Variants in TDG observed in about 807,000 individuals in gnomAD.
TDG encodes G/T mismatch-specific thymine DNA glycosylase.
In TDG, 23 loss-of-function variants were observed where a neutral mutation model predicts 46.1. That is an observed-to-expected ratio of 0.50 (90% CI 0.36 to 0.71). The LOEUF (loss-of-function observed/expected upper bound fraction) is 0.71, where lower values mean the gene tolerates loss of function less well. Ranked by LOEUF, TDG falls within the 30% of genes least tolerant of loss-of-function variation. The probability of loss-of-function intolerance (pLI) is 0.00; values close to 1 mark genes in which losing one functional copy is unlikely to be tolerated. For missense variants in TDG, 304 were observed against 486.7 expected (o/e 0.62, Z 3.53); for synonymous variants, 115 against 161.3 (o/e 0.71, Z 2.18).
In TDG at chr12:103,980,012, A is replaced by T; in HGVS notation, c.348A>T (p.Glu116Asp). Residue 116 changes from glutamate to aspartate, a missense_variant, in exon 3 of 10, where the codon GAA becomes GAT. Transcript: ENST00000392872. Reference protein sequence around the residue: ...RKVDRFNGVSEAELLTKTLPD... With the variant: ...RKVDRFNGVSDAELLTKTLPD... Reference sequence around the variant, plus strand: ...TAGACCGTTTTAATGGTGTTTCAGAAGCTGAACTTCTGACCAAGACTCTCC... The same window carrying T: ...TAGACCGTTTTAATGGTGTTTCAGATGCTGAACTTCTGACCAAGACTCTCC... The T allele has an allele frequency of 6.2e-7, 1 of 1,614,058 alleles. No homozygotes were observed. Among genetic ancestry groups the T allele is most frequent in the Non-Finnish European group, 8.5e-7 (1 of 1,180,048 alleles).
intron 9 of TDG, 114 bp downstream of exon 9, chr12:103,985,842 TTTTA>T (rs1480980193): frequency 1.7e-6 from 2 of 1,188,550 alleles, no homozygotes; most frequent in African/African-American, 1.6e-5. Flanking sequence ...TAATATGAAA[TTTTA>T]TTTAGTGACT....
chr12:103,976,834 A>G, intron 1 of TDG, 84 bp from the exon 2 acceptor site: 1 of 1,522,318 alleles, frequency 6.6e-7, no homozygotes. Context: ...TTAATACTGT[A>G]CTGAAGATTT....
intron 1 of TDG, among the ~76,000 whole-genome samples, chr12:103,973,744 C>T (rs1441321526): frequency 6.6e-6 from 1 of 152,180 alleles, no homozygotes; most frequent in Non-Finnish European, 1.5e-5. Context: ...CTTCTAGTCC[C>T]TGTCTACATA....
At chr12:103,977,185 T>A in intron 2 of TDG, 125 bp downstream of exon 2, 1 of 1,316,490 alleles carries the variant, frequency 7.6e-7, no homozygotes, top group Admixed American at 2.7e-5. Context: ...TTTAAGTACT[T>A]AGTATGTGCT....
chr12:103,979,105 C>CTTTTTTTTTTTTTT (rs1328105259), intron 2 of TDG, among the ~76,000 whole-genome samples: 1 of 26,058 alleles, frequency 3.8e-5, no homozygotes, highest in African/African-American at 1.5e-4. Context: ...TTTCTTTTTT[C>CTTTTTTTTTTTTTT]TTTCTTTTTT....
rs554848304 is a variant in TDG, at chr12:103,966,157, G to A, written c.23+97G>A. On this transcript the variant is annotated intron_variant, in intron 1 of 9. Coordinates refer to ENST00000392872, the MANE Select transcript of TDG (RefSeq NM_003211.6). ...CGCACGCAGGGGTCTTTTAAATCCC[G>A]GCCGGAATACAAAGGCCGGGGCCGC... 1.3e-3 allele frequency: 1,743 copies of A among 1,359,626 alleles called. 22 individuals carry two copies. Among genetic ancestry groups the A allele is most frequent in the Non-Finnish European group, 3.5e-4 (365 of 1,041,532 alleles). The allele number at this position is 1,359,626 out of a possible 1,614,324, so 84.2% of individuals were successfully genotyped here. A position where few individuals can be genotyped will look rare whatever the true frequency, so the allele number is the denominator to read the frequency against.
chr12:103,980,668 G>GT (rs1024770170), intron 3 of TDG: 8 of 427,944 alleles, frequency 1.9e-5, no homozygotes, highest in Non-Finnish European at 2.9e-5. Flanking sequence ...AGTCAAACTG[G>GT]TTTTTTAAAA....
intron 3 of TDG, chr12:103,980,475 C>A: frequency 4.6e-6 from 1 of 218,304 alleles, no homozygotes; most frequent in Non-Finnish European, 9.1e-6. Context: ...TTATTTTTCT[C>A]AGTAACTGTA....
rs1872250321 is a variant in TDG at position 103,987,743 on chromosome 12, G to A, written c.*653G>A. 6.6e-6 allele frequency: 1 copy of A among 152,596 alleles called. No individual in the cohort carries two copies. Among genetic ancestry groups the A allele is most frequent in the African/African-American group, 2.4e-5 (1 of 41,470 alleles). 9.5% of individuals were successfully genotyped at this position (152,596 alleles called of 1,614,324 possible). A position where few individuals can be genotyped will look rare whatever the true frequency, so the allele number is the denominator to read the frequency against. On this transcript the variant is annotated 3_prime_UTR_variant, in exon 10 of 10. Coordinates refer to ENST00000392872, the MANE Select transcript of TDG (RefSeq NM_003211.6). Reference sequence around the variant, plus strand: ...CCTCTAGTAGCCAATTAACTACTCTGGGGTGGCAGGTTCCAGAGAATGCAG... The same window carrying A: ...CCTCTAGTAGCCAATTAACTACTCTAGGGTGGCAGGTTCCAGAGAATGCAG...
chr12:103,966,804 C>G (rs1871055694), intron 1 of TDG, among the ~76,000 whole-genome samples: 1 of 152,028 alleles, frequency 6.6e-6, no homozygotes, highest in Non-Finnish European at 1.5e-5. Context: ...AGGAAAAAAA[C>G]CTATGCCTAA....
At chr12:103,983,678 C>G (rs942988144) in intron 7 of TDG, among the ~76,000 whole-genome samples, 1 of 152,174 alleles carries the variant, frequency 6.6e-6, no homozygotes, top group Non-Finnish European at 1.5e-5. Flanking sequence ...CATTTAATGG[C>G]ATGTAGTTGT....
At chr12:103,971,364 C>T (rs1268756577) in intron 1 of TDG, among the ~76,000 whole-genome samples, 2 of 152,154 alleles carry the variant, frequency 1.3e-5, no homozygotes, top group Non-Finnish European at 2.9e-5. Flanking sequence ...GAGTTTGACA[C>T]CAGCCTGACC....
In TDG at chr12:103,983,158, C is replaced by T. The variant is rs774468700; in HGVS notation, c.637C>T (p.Arg213Cys). 9.3e-6 allele frequency: 15 copies of T among 1,606,042 alleles called. 1 individual carries two copies. Among genetic ancestry groups the T allele is most frequent in the South Asian group, 9.1e-5 (8 of 88,380 alleles). Residue 213 changes from arginine to cysteine, a missense_variant, in exon 6 of 10, where the codon CGT becomes TGT. Physicochemically the swap from Arg to Cys is radical, Grantham distance 180. Transcript: ENST00000392872. ...LSSKEFREGG[R>C]ILVQKLQKYQ... ...TAGTAAAGAATTTCGTGAAGGAGGA[C>T]GTATTCTAGTACAGAAATTACAGAA...
intron 1 of TDG, among the ~76,000 whole-genome samples, chr12:103,967,108 T>G (rs1455291646): frequency 6.6e-6 from 1 of 152,200 alleles, no homozygotes; most frequent in East Asian, 1.9e-4. Context: ...TCACCAGAAT[T>G]TGTGGAAATC....
chr12:103,975,891 A>C (rs1439543363), intron 1 of TDG, among the ~76,000 whole-genome samples: 1 of 147,936 alleles, frequency 6.8e-6, no homozygotes, highest in African/African-American at 2.5e-5. Flanking sequence ...TAAACTCCTG[A>C]CCTCAGGTGA....
Position 103,984,983 on chromosome 12 carries a change from A to G in TDG, c.964+63A>G. The G allele has an allele frequency of 3.8e-6, 5 of 1,324,190 alleles. No individual in the cohort carries two copies. In the South Asian group the frequency reaches 6.8e-5, roughly 18 times the overall value. The allele number at this position is 1,324,190 out of a possible 1,614,324, so 82.0% of individuals were successfully genotyped here. A position where few individuals can be genotyped will look rare whatever the true frequency, so the allele number is the denominator to read the frequency against. On this transcript the variant is annotated intron_variant, in intron 8 of 9. Coordinates refer to ENST00000392872, the MANE Select transcript of TDG (RefSeq NM_003211.6). ...TGTGTATATATACACATATATACTT[A>G]CATATATATACACATATACATATAT...
chr12:103,976,450 A>G (rs1194608668), intron 1 of TDG, among the ~76,000 whole-genome samples: 1 of 152,120 alleles, frequency 6.6e-6, no homozygotes, highest in Admixed American at 6.5e-5. Context: ...TAATGAAAAA[A>G]TAAGTAAACA....
At chr12:103,971,832 C>T (rs1871296397) in intron 1 of TDG, among the ~76,000 whole-genome samples, 1 of 152,018 alleles carries the variant, frequency 6.6e-6, no homozygotes, top group Admixed American at 6.6e-5. Context: ...CAGATCTAGT[C>T]CTATTTCCTA....
Position 103,988,870 on chromosome 12 carries a change from C to T in TDG, c.*1780C>T, listed in dbSNP as rs1205673654. On this transcript the variant is annotated 3_prime_UTR_variant, in exon 10 of 10. Coordinates refer to ENST00000392872, the MANE Select transcript of TDG (RefSeq NM_003211.6). Reference sequence around the variant, plus strand: ...ATAAAAGATATTAAGAATTGTTATCCTTAACTTACGGGCTTTTTCTATAGC... The same window carrying T: ...ATAAAAGATATTAAGAATTGTTATCTTTAACTTACGGGCTTTTTCTATAGC... 1 of 152,066 alleles carries T rather than the reference C, an allele frequency of 6.6e-6. No individual in the cohort carries two copies. Among genetic ancestry groups the T allele is most frequent in the East Asian group, 1.9e-4 (1 of 5,204 alleles). 9.4% of individuals were successfully genotyped at this position (152,066 alleles called of 1,614,324 possible).
Sources: allele counts gnomAD v4.1 joint callset (sites outside exome capture counted in the v4.1 genomes callset), GRCh38; gene constraint gnomAD v4.1.1; transcripts MANE v1.5; gene names NCBI Gene and HGNC (gene_info 2026-07-23, HGNC 2026-07-21).